The following CELF4 variants were observed in gnomAD, a reference collection of about 807,000 sequenced individuals.
The protein encoded by CELF4 is CUG-BP- and ETR-3-like factor 4.
A neutral mutation model predicts 59.9 loss-of-function variants in CELF4; 18 were observed. That is an observed-to-expected ratio of 0.30 (90% CI 0.21 to 0.45). The LOEUF is 0.45. CELF4 is among the 20% of genes least tolerant of loss of function. The pLI is 1.00. For synonymous variants in CELF4, 261 were observed against 267.1 expected (o/e 0.98, Z 0.22); for missense variants, 456 against 689.0 (o/e 0.66, Z 3.79).
rs530020703 is a variant in CELF4 at position 37,273,040 on chromosome 18, C to T, written c.925G>A (p.Ala309Thr). 8.1e-6 allele frequency: 13 copies of T among 1,611,488 alleles called. No individual in the cohort carries two copies. The South Asian group carries it at 1.4e-4, about 18-fold the overall frequency. The change falls in exon 7 of 13, where the codon GCC becomes ACC. Residue 309 changes from alanine (A) to threonine (T), a missense_variant. Coordinates refer to ENST00000420428, the MANE Select transcript of CELF4 (RefSeq NM_020180.4). ...MAALNMNGLA[A>T]APMTPTSGGS... ...CCTGAGGTTGGGGTCATAGGTGCGG[C>T]CGCCAGGCCATTCATGTTGAGGGCC...
rs192293498 is a variant in CELF4 at position 37,312,003 on chromosome 18, C to T, written c.448+9800G>A. ...GCGGGCGCCTGTAGTCCCAGCTACT[C>T]GGGAGGCTGAGGCAGGAGAATGGCA... On this transcript the variant is annotated intron_variant, in intron 3 of 12. Coordinates refer to ENST00000420428, the MANE Select transcript of CELF4 (RefSeq NM_020180.4). 2.0e-3 allele frequency among the ~76,000 whole-genome samples: 292 copies of T among 146,426 alleles called. 4 individuals carry two copies. Among genetic ancestry groups the T allele is most frequent in the Admixed American group, 0.02 (284 of 14,502 alleles).
chr18:37,450,829 G>A lies in CELF4; in HGVS notation c.369+34696C>T, dbSNP rs16968946. ...CTGGGTCCAGCATAACAATGCACAGGCTCCTAGCAAGGGACAACACATTCC... is the reference window on the plus strand; with the variant it reads ...CTGGGTCCAGCATAACAATGCACAGACTCCTAGCAAGGGACAACACATTCC... On this transcript the variant is annotated intron_variant, in intron 2 of 12. Transcript: ENST00000420428. Among the ~76,000 whole-genome samples the A allele has an allele frequency of 5.8e-3, 877 of 152,260 alleles. 13 individuals are homozygous for A. Among genetic ancestry groups the A allele is most frequent in the African/African-American group, 0.02 (828 of 41,562 alleles).
intron 2 of CELF4, among the ~76,000 whole-genome samples, chr18:37,480,192 G>A (rs970331601): frequency 1.3e-5 from 2 of 152,206 alleles, no homozygotes; most frequent in Non-Finnish European, 2.9e-5. Flanking sequence ...CCGGGGAACT[G>A]GAAGAGTGTG....
chr18:37,425,414 C>A (rs1045676276), intron 2 of CELF4, among the ~76,000 whole-genome samples: 1 of 152,224 alleles, frequency 6.6e-6, no homozygotes, highest in Admixed American at 6.5e-5. Flanking sequence ...AGGGAGGGTG[C>A]CTGAGGGGTC....
At chr18:37,408,252 T>G (rs1357723719) in intron 2 of CELF4, among the ~76,000 whole-genome samples, 7 of 152,164 alleles carry the variant, frequency 4.6e-5, no homozygotes, top group Admixed American at 3.3e-4. Flanking sequence ...TTTATTAAAA[T>G]TCTATATCCA....
intron 3 of CELF4, among the ~76,000 whole-genome samples, chr18:37,292,768 C>T (rs1021444684): frequency 4.6e-5 from 7 of 152,142 alleles, no homozygotes; most frequent in Non-Finnish European, 1.0e-4. Flanking sequence ...TTTCATCTCC[C>T]GCTGCAAGGT....
Position 37,253,382 on chromosome 18 carries a change from G to A in CELF4, c.*44+385C>T, listed in dbSNP as rs1305398611. Among the ~76,000 whole-genome samples the A allele has an allele frequency of 6.6e-6, 1 of 152,194 alleles. No homozygotes were observed. Among genetic ancestry groups the A allele is most frequent in the African/African-American group, 2.4e-5 (1 of 41,456 alleles). Reference sequence around the variant, plus strand: ...GGTCTGGGAGCAGGCCCCGCGGGCGGCTGCAGCTCTTCTGGGTAGAGCCTG... The same window carrying A: ...GGTCTGGGAGCAGGCCCCGCGGGCGACTGCAGCTCTTCTGGGTAGAGCCTG... On this transcript the variant is annotated intron_variant, in intron 12 of 12. Coordinates refer to ENST00000420428, the MANE Select transcript of CELF4 (RefSeq NM_020180.4). This position sits in a 1 kb window ranked among gnomAD's most constrained non-coding sequence, Gnocchi z 4.5.
At chr18:37,419,620 C>A (rs1454584115) in intron 2 of CELF4, among the ~76,000 whole-genome samples, 1 of 152,082 alleles carries the variant, frequency 6.6e-6, no homozygotes, top group Non-Finnish European at 1.5e-5. Flanking sequence ...ACACGTTCTC[C>A]TATGCTGGTC....
At chr18:37,487,327 G>A (rs1036035450) in intron 1 of CELF4, among the ~76,000 whole-genome samples, 15 of 152,174 alleles carry the variant, frequency 9.9e-5, no homozygotes, top group Non-Finnish European at 2.2e-4. Context: ...ATGAAAGAAG[G>A]AAACAGGGAG....
intron 2 of CELF4, among the ~76,000 whole-genome samples, chr18:37,332,942 G>A (rs1451144457): frequency 6.6e-6 from 1 of 152,240 alleles, no homozygotes; most frequent in Non-Finnish European, 1.5e-5. Flanking sequence ...GCACTGGCAA[G>A]GGTGGGAGGA....
chr18:37,302,039 C>T (rs1337133515), intron 3 of CELF4, among the ~76,000 whole-genome samples: 1 of 152,224 alleles, frequency 6.6e-6, no homozygotes, highest in Admixed American at 6.5e-5. Flanking sequence ...GGTTGAACAG[C>T]ATGCAAACCA....
At chr18:37,422,692 G>C (rs111617910) in intron 2 of CELF4, among the ~76,000 whole-genome samples, 2 of 152,320 alleles carry the variant, frequency 1.3e-5, no homozygotes, top group African/African-American at 4.8e-5. Flanking sequence ...AAGTGAGAGA[G>C]AGCCCTGGGT....
At chr18:37,512,527 T>C (rs972122489) in intron 1 of CELF4, among the ~76,000 whole-genome samples, 12 of 152,016 alleles carry the variant, frequency 7.9e-5, no homozygotes, top group Non-Finnish European at 1.8e-4. Context: ...CTCTTCCTTT[T>C]CTTCCTACTC....
intron 3 of CELF4, among the ~76,000 whole-genome samples, chr18:37,307,834 G>A (rs989176317): frequency 6.6e-6 from 1 of 152,180 alleles, no homozygotes; most frequent in Non-Finnish European, 1.5e-5. Context: ...GCAGGGAAAG[G>A]GTTTGGAGCT....
chr18:37,328,819 C>G (rs958842991), intron 2 of CELF4, among the ~76,000 whole-genome samples: 3 of 152,180 alleles, frequency 2.0e-5, no homozygotes, highest in African/African-American at 4.8e-5. Context: ...CAGACCCGCA[C>G]GCTAGAGCTC....
intron 1 of CELF4, among the ~76,000 whole-genome samples, chr18:37,522,594 C>T (rs966335097): frequency 6.6e-6 from 1 of 152,172 alleles, no homozygotes; most frequent in Admixed American, 6.5e-5. Flanking sequence ...ATCCTTGTCA[C>T]ATTAATAGAC....
chr18:37,426,772 G>A (rs1252559282), intron 2 of CELF4, among the ~76,000 whole-genome samples: 1 of 152,248 alleles, frequency 6.6e-6, no homozygotes, highest in Middle Eastern at 3.4e-3. Flanking sequence ...TTGCGTCGCC[G>A]CTGCCATGTG....
At chr18:37,363,764 C>T (rs1484685339) in intron 2 of CELF4, among the ~76,000 whole-genome samples, 6 of 152,192 alleles carry the variant, frequency 3.9e-5, no homozygotes, top group African/African-American at 9.7e-5. Context: ...TCTTTGTGCA[C>T]GCCCCCTGGA....
intron 2 of CELF4, among the ~76,000 whole-genome samples, chr18:37,330,020 T>G (rs1489023049): frequency 6.6e-6 from 1 of 152,188 alleles, no homozygotes; most frequent in Admixed American, 6.5e-5. Flanking sequence ...TTTTTAAAGA[T>G]AAGCTTTGTG....
Sources: allele counts gnomAD v4.1 joint callset (sites outside exome capture counted in the v4.1 genomes callset), GRCh38; gene constraint gnomAD v4.1.1; non-coding constraint Gnocchi (gnomAD v3.1); transcripts MANE v1.5; gene names NCBI Gene and HGNC (gene_info 2026-07-23, HGNC 2026-07-21).